TRHDE: variants seen among roughly 807,000 people sequenced by gnomAD.
The protein encoded by TRHDE is thyrotropin-releasing hormone-degrading ectoenzyme.
TRHDE carries 72 observed loss-of-function variants against 125.7 expected under a neutral mutation model. The ratio of observed to expected loss-of-function variants is 0.57; its 90% CI spans 0.47 to 0.70. TRHDE has a LOEUF of 0.70. Ranked by LOEUF, TRHDE falls within the 30% of genes least tolerant of loss-of-function variation. TRHDE has a pLI of 0.00. For missense variants in TRHDE, 1,110 were observed against 1,327.1 expected, an observed-to-expected ratio of 0.84 and a Z score of 2.54; for synonymous variants, 509 against 509.1, an observed-to-expected ratio of 1.00 and a Z score of 0.00.
intron 3 of TRHDE, among the ~76,000 whole-genome samples, chr12:72,379,932 A>G (rs1404911585): frequency 1.3e-5 from 2 of 152,192 alleles, no homozygotes; most frequent in African/African-American, 2.4e-5. Context: ...ATTTAGACCT[A>G]TATGTTAATG....
intron 4 of TRHDE, 67 bp downstream of exon 4, chr12:72,469,979 A>G (rs1876565206): frequency 3.4e-6 from 5 of 1,488,766 alleles, no homozygotes; most frequent in South Asian, 1.2e-5. Flanking sequence ...GAATACCTAC[A>G]TTAAGAGCTA....
chr12:72,290,742 C>T (rs1880056340), intron 2 of TRHDE, among the ~76,000 whole-genome samples: 3 of 152,180 alleles, frequency 2.0e-5, no homozygotes, highest in Admixed American at 1.3e-4. Context: ...TTCATGTGGC[C>T]TGGCTTGTTC....
At chr12:72,333,827 T>C (rs913703954) in intron 2 of TRHDE, among the ~76,000 whole-genome samples, 3 of 152,252 alleles carry the variant, frequency 2.0e-5, no homozygotes, top group African/African-American at 7.2e-5. Flanking sequence ...ATAGACTTCC[T>C]GTTGGAAATC....
At chr12:72,120,985 A>G (rs1875568573) in intron 2 of TRHDE, among the ~76,000 whole-genome samples, 1 of 151,382 alleles carries the variant, frequency 6.6e-6, no homozygotes, top group Non-Finnish European at 1.5e-5. Context: ...CCCCTCTTTA[A>G]CTTTTTGTTG....
At chr12:72,656,866 A>T in intron 17 of TRHDE, 61 bp from the exon 18 acceptor site, 1 of 1,132,930 alleles carries the variant, frequency 8.8e-7, no homozygotes, top group Non-Finnish European at 1.3e-6. Flanking sequence ...AAAAATCTTT[A>T]TAGTAATATT....
chr12:72,131,618 G>A (rs1246747941), intron 2 of TRHDE, among the ~76,000 whole-genome samples: 1 of 152,120 alleles, frequency 6.6e-6, no homozygotes, highest in Non-Finnish European at 1.5e-5. Flanking sequence ...TTGTGCTACA[G>A]TTAACAAAAT....
intron 7 of TRHDE, among the ~76,000 whole-genome samples, chr12:72,554,296 G>A (rs760587552): frequency 2.6e-5 from 4 of 151,938 alleles, no homozygotes; most frequent in Admixed American, 6.6e-5. Context: ...TATGTGGCTG[G>A]TATTTTTCTA....
chr12:72,478,786 C>T (rs1338527747), intron 5 of TRHDE, among the ~76,000 whole-genome samples: 1 of 151,580 alleles, frequency 6.6e-6, no homozygotes, highest in East Asian at 1.9e-4. Context: ...GTGCATATGC[C>T]CCATGCATTG....
intron 2 of TRHDE, among the ~76,000 whole-genome samples, chr12:72,131,574 A>G (rs1170516559): frequency 2.0e-5 from 3 of 151,776 alleles, no homozygotes; most frequent in Non-Finnish European, 4.4e-5. Context: ...TTTTATTTTG[A>G]TATATTTGCA....
chr12:72,142,940 C>T (rs1876151184), intron 2 of TRHDE, among the ~76,000 whole-genome samples: 1 of 152,000 alleles, frequency 6.6e-6, no homozygotes, highest in East Asian at 1.9e-4. Context: ...TGCATTCATC[C>T]TCAAGCCCGT....
chr12:72,323,760 C>T (rs1479501263), intron 2 of TRHDE, among the ~76,000 whole-genome samples: 2 of 151,828 alleles, frequency 1.3e-5, no homozygotes, highest in Admixed American at 1.3e-4. Context: ...AGGTCAAAGG[C>T]AGTTGTGATG....
At chr12:72,454,157 A>G (rs1875721827) in intron 3 of TRHDE, among the ~76,000 whole-genome samples, 1 of 152,222 alleles carries the variant, frequency 6.6e-6, no homozygotes, top group South Asian at 2.1e-4. Context: ...GTATAAATCA[A>G]TAGTGCAAAA....
At chr12:72,271,601 C>T (rs1335236603), upstream of TRHDE, among the ~76,000 whole-genome samples, 1 of 152,140 alleles carries the variant, frequency 6.6e-6, no homozygotes, top group Non-Finnish European at 1.5e-5. Context: ...TCAGTCGCTC[C>T]CCTCCCTCCC....
At chr12:72,520,666 C>T (rs1035795349) in intron 6 of TRHDE, among the ~76,000 whole-genome samples, 2 of 152,140 alleles carry the variant, frequency 1.3e-5, no homozygotes, top group African/African-American at 4.8e-5. Context: ...TCTTCACTTA[C>T]TTTTTCAATC....
intron 2 of TRHDE, among the ~76,000 whole-genome samples, chr12:72,158,976 A>G (rs1490482036): frequency 6.6e-6 from 1 of 152,196 alleles, no homozygotes; most frequent in African/African-American, 2.4e-5. Flanking sequence ...TTCTGCCTTA[A>G]ATGCCATTTT....
intron 2 of TRHDE, among the ~76,000 whole-genome samples, chr12:72,301,656 G>A (rs1471383839): frequency 6.6e-6 from 1 of 152,152 alleles, no homozygotes; most frequent in African/African-American, 2.4e-5. Context: ...ACAGAATGGA[G>A]ATAACAATGT....
intron 6 of TRHDE, among the ~76,000 whole-genome samples, chr12:72,500,872 T>A (rs1249216359): frequency 7.7e-6 from 1 of 130,674 alleles, no homozygotes; most frequent in Non-Finnish European, 1.6e-5. Context: ...TTTTTTTTTT[T>A]AAGTTTCTTT....
chr12:72,402,134 G>A (rs976415827), intron 3 of TRHDE, among the ~76,000 whole-genome samples: 1 of 152,040 alleles, frequency 6.6e-6, no homozygotes, highest in African/African-American at 2.4e-5. Context: ...TGGTAGGATT[G>A]GTTTCTTTTG....
intron 12 of TRHDE, among the ~76,000 whole-genome samples, chr12:72,606,415 T>C (rs937009658): frequency 1.6e-4 from 25 of 152,204 alleles, no homozygotes; most frequent in African/African-American, 5.5e-4. Context: ...CACGTGATGC[T>C]GAATTCTAGT....
Sources: gnomAD v4.1 joint callset for allele counts (sites outside exome capture counted in the v4.1 genomes callset) on GRCh38, gnomAD v4.1.1 for gene constraint, MANE v1.5 for transcripts, NCBI Gene and HGNC (gene_info 2026-07-23, HGNC 2026-07-21) for gene names.